Variants in CADM2 observed in about 807,000 individuals in gnomAD.
CADM2 encodes cell adhesion molecule 2.
In CADM2, 12 loss-of-function variants were observed where a neutral mutation model predicts 49.8. The ratio of observed to expected loss-of-function variants is 0.24; its 90% confidence interval spans 0.15 to 0.39. The LOEUF is 0.39. CADM2 is among the 10% of genes least tolerant of loss of function. The pLI, the probability that CADM2 is intolerant of heterozygous loss-of-function variation, is 1.00. For synonymous variants in CADM2, 214 were observed against 175.4 expected, an observed-to-expected ratio of 1.22 and a Z score of -1.74; for missense variants, 378 against 492.3, an observed-to-expected ratio of 0.77 and a Z score of 2.20.
At chr3:85,600,771 A>G (rs1204254295) in intron 1 of CADM2, among the ~76,000 whole-genome samples, 1 of 151,670 alleles carries the variant, frequency 6.6e-6, no homozygotes, top group Non-Finnish European at 1.5e-5. Flanking sequence ...CATCAGTATC[A>G]TGATATACTT....
chr3:85,292,835 C>G (rs981679724), intron 1 of CADM2, among the ~76,000 whole-genome samples: 2 of 152,078 alleles, frequency 1.3e-5, no homozygotes, highest in African/African-American at 4.8e-5. Context: ...CAAGAGAAAG[C>G]AGGAAAGATC....
At chr3:85,609,148 G>A (rs1444895154) in intron 1 of CADM2, among the ~76,000 whole-genome samples, 1 of 151,868 alleles carries the variant, frequency 6.6e-6, no homozygotes, top group Non-Finnish European at 1.5e-5. Flanking sequence ...TGTGAGAGAA[G>A]CCCACTCCTG....
At position 85,655,801 on chromosome 3, in the gene CADM2, A is replaced by T. The variant is rs151191535; in HGVS notation, c.62-70721A>T. ...GTTAAAACACAGATTCTTGGGCCCC[A>T]TTCCCCAAGTTTCTTAGTAGGTGTG... On this transcript the variant is annotated intron_variant, in intron 1 of 9. Transcript: ENST00000383699. 1.4e-4 allele frequency among the ~76,000 whole-genome samples: 22 copies of T among 152,280 alleles called. No individual in the cohort carries two copies. The East Asian group carries it at 3.9e-3, about 27-fold the overall frequency.
intron 1 of CADM2, among the ~76,000 whole-genome samples, chr3:85,569,991 A>G (rs943435342): frequency 2.6e-5 from 4 of 152,174 alleles, no homozygotes; most frequent in South Asian, 2.1e-4. Context: ...TTATATAGGA[A>G]CCTAGCTCAT....
chr3:85,637,122 T>A (rs1429242583), intron 1 of CADM2, among the ~76,000 whole-genome samples: 1 of 151,932 alleles, frequency 6.6e-6, no homozygotes, highest in Admixed American at 6.6e-5. Flanking sequence ...ATGTATATTC[T>A]TTTTTTTAAA....
At chr3:85,625,240 T>C (rs1405700842) in intron 1 of CADM2, among the ~76,000 whole-genome samples, 1 of 152,134 alleles carries the variant, frequency 6.6e-6, no homozygotes, top group Non-Finnish European at 1.5e-5. Flanking sequence ...TAAATAATTT[T>C]GCAAGAATTT....
chr3:85,550,380 T>A (rs2061771892), intron 1 of CADM2, among the ~76,000 whole-genome samples: 1 of 152,156 alleles, frequency 6.6e-6, no homozygotes, highest in African/African-American at 2.4e-5. Context: ...AGATCCATAG[T>A]TCTCAATGTG....
intron 1 of CADM2, among the ~76,000 whole-genome samples, chr3:85,647,141 A>G (rs982817297): frequency 1.7e-4 from 26 of 151,828 alleles, no homozygotes; most frequent in Non-Finnish European, 3.7e-4. Context: ...AAAATTCCCA[A>G]AACACTGCCC....
chr3:85,941,604 CT>C (rs1478936826), intron 7 of CADM2, among the ~76,000 whole-genome samples: 8 of 151,994 alleles, frequency 5.3e-5, no homozygotes, highest in Admixed American at 2.6e-4. Context: ...AAAGCCCCTT[CT>C]CTAATTTACC....
intron 3 of CADM2, among the ~76,000 whole-genome samples, chr3:85,875,852 G>T (rs1559715638): frequency 6.6e-6 from 1 of 152,122 alleles, no homozygotes; most frequent in South Asian, 2.1e-4. Flanking sequence ...CTACTCTCAG[G>T]CAACAGACAG....
At chr3:85,676,195 G>A (rs1420626383) in intron 1 of CADM2, among the ~76,000 whole-genome samples, 5 of 152,066 alleles carry the variant, frequency 3.3e-5, no homozygotes, top group East Asian at 1.9e-4. Flanking sequence ...TGTAGCCTTC[G>A]TCCTTTATAA....
intron 1 of CADM2, among the ~76,000 whole-genome samples, chr3:85,411,696 C>T (rs1014241974): frequency 2.6e-5 from 4 of 152,162 alleles, no homozygotes; most frequent in Middle Eastern, 3.2e-3. Flanking sequence ...GGTTTAAAAA[C>T]ACCACCAAGG....
At chr3:85,299,775 T>C (rs1442045060) in intron 1 of CADM2, among the ~76,000 whole-genome samples, 5 of 152,092 alleles carry the variant, frequency 3.3e-5, no homozygotes, top group Non-Finnish European at 5.9e-5. Context: ...TTCTGAAGCA[T>C]GTGAGAGCTA....
At chr3:85,585,516 C>A (rs931382561) in intron 1 of CADM2, among the ~76,000 whole-genome samples, 2 of 151,712 alleles carry the variant, frequency 1.3e-5, no homozygotes, top group Non-Finnish European at 2.9e-5. Context: ...TTTGCTGTTT[C>A]ATCTCGAATT....
chr3:85,548,702 A>G (rs1288394104), intron 1 of CADM2, among the ~76,000 whole-genome samples: 2 of 151,908 alleles, frequency 1.3e-5, no homozygotes, highest in African/African-American at 2.4e-5. Context: ...TTGCAATAGT[A>G]TTTTTTCCTC....
chr3:85,504,847 G>A (rs916314501), intron 1 of CADM2, among the ~76,000 whole-genome samples: 6 of 152,330 alleles, frequency 3.9e-5, no homozygotes, highest in Non-Finnish European at 8.8e-5. Flanking sequence ...GGCCCGGCGA[G>A]AAATAGAGCG....
chr3:85,413,477 G>T (rs773187482), intron 1 of CADM2, among the ~76,000 whole-genome samples: 7 of 152,078 alleles, frequency 4.6e-5, no homozygotes, highest in Non-Finnish European at 8.8e-5. Flanking sequence ...TAATCTATAA[G>T]AAAAGAGGTT....
intron 3 of CADM2, among the ~76,000 whole-genome samples, chr3:85,837,003 TA>T (rs1314961484): frequency 2.0e-5 from 3 of 151,610 alleles, no homozygotes; most frequent in Non-Finnish European, 4.4e-5. Flanking sequence ...TCTGTAGTTG[TA>T]AAAATGAAGA....
intron 1 of CADM2, among the ~76,000 whole-genome samples, chr3:85,154,974 G>T (rs149270525): frequency 0.034 from 5,103 of 151,648 alleles, 113 homozygotes; most frequent in East Asian, 0.045. Flanking sequence ...GGTACCAGCC[G>T]CTGCAAAATC....
Sources: allele counts gnomAD v4.1 joint callset (sites outside exome capture counted in the v4.1 genomes callset), GRCh38; gene constraint gnomAD v4.1.1; transcripts MANE v1.5; gene names NCBI Gene and HGNC (gene_info 2026-07-23, HGNC 2026-07-21).